The following BBS1 variants were observed in gnomAD, a reference collection of about 807,000 sequenced individuals.
BBS1 encodes the protein BBSome complex member BBS1.
In BBS1, 60 loss-of-function variants were observed where a neutral mutation model predicts 73.9. That is an observed-to-expected ratio of 0.81 (90% CI 0.66 to 1.01). BBS1 has a LOEUF of 1.01. Ranked by LOEUF, BBS1 falls within the 50% of genes least tolerant of loss-of-function variation. The pLI, the probability that BBS1 is intolerant of heterozygous loss-of-function variation, is 0.00. For synonymous variants in BBS1, 283 were observed against 317.4 expected (o/e 0.89, Z 1.15); for missense variants, 718 against 770.3 (o/e 0.93, Z 0.80).
At chr11:66,527,132 T>TGCCAAAGTG in intron 13 of BBS1, 1 of 973,088 alleles carries the variant, frequency 1.0e-6, no homozygotes, top group Non-Finnish European at 1.6e-6. Context: ...ATCCCAACAC[T>TGCCAAAGTG]TTGGCAGAGG....
At chr11:66,517,126 G>C (rs1455285249) in intron 7 of BBS1, among the ~76,000 whole-genome samples, 1 of 151,530 alleles carries the variant, frequency 6.6e-6, no homozygotes, top group Non-Finnish European at 1.5e-5. Flanking sequence ...GTTAACCCGG[G>C]AGGCGGAGCT....
At chr11:66,523,232 G>A in intron 9 of BBS1, 2 of 668,864 alleles carry the variant, frequency 3.0e-6, no homozygotes, top group Admixed American at 2.1e-5. Flanking sequence ...AGTGAAGGTG[G>A]GAGGAAGACA....
chr11:66,524,642 G>T (rs1856405625), intron 11 of BBS1, among the ~76,000 whole-genome samples: 1 of 152,218 alleles, frequency 6.6e-6, no homozygotes, highest in African/African-American at 2.4e-5. Flanking sequence ...GAAGGCTCTT[G>T]ATTAAGGAAT....
rs1565287949 is a variant in BBS1 at position 66,526,768 on chromosome 11, T to A, written c.1300T>A (p.Tyr434Asn). Residue 434 changes from tyrosine (Y) to asparagine (N), a missense_variant, in exon 13 of 17, where the codon TAC becomes AAC. Physicochemically the swap from Tyr to Asn is moderately radical, Grantham distance 143 (BLOSUM62 -2). Transcript: ENST00000318312. ...KLNVPRKTRLYVDQTLREREA... is the reference protein window; with the variant it reads ...KLNVPRKTRLNVDQTLREREA... ...CAATGTGCCCCGAAAGACCCGGCTT[T>A]ACGTGGATCAGACACTGCGAGAGCG... 1 of 1,614,210 alleles carries A rather than the reference T, an allele frequency of 6.2e-7. No individual in the cohort carries two copies. Among genetic ancestry groups the A allele is most frequent in the Non-Finnish European group, 8.5e-7 (1 of 1,180,032 alleles).
chr11:66,521,254 C>A lies in BBS1; in HGVS notation c.724-16C>A. 6.2e-7 allele frequency: 1 copy of A among 1,602,012 alleles called. No individual in the cohort carries two copies. Among genetic ancestry groups the A allele is most frequent in the Non-Finnish European group, 8.6e-7 (1 of 1,169,008 alleles). On this transcript the variant is annotated splice_polypyrimidine_tract_variant and intron_variant, in intron 8 of 16. Coordinates refer to ENST00000318312, the MANE Select transcript of BBS1 (RefSeq NM_024649.5). ...GGCTCCAGAGAAATTGGAGTGTTTG[C>A]GCTTCTTGTTTGCAGATGAGCCTTC...
Position 66,522,416 on chromosome 11 carries a change from C to T in BBS1, c.830+1040C>T, listed in dbSNP as rs548255561. ...AGGCTGGAGTGCAGTGGCACGATCT[C>T]GGCTTACTGCAACCTCTGCCTCCTG... is the stretch of plus-strand genomic sequence containing the variant. On this transcript the variant is annotated intron_variant, in intron 9 of 16. Transcript: ENST00000318312. Among the ~76,000 whole-genome samples the T allele has an allele frequency of 4.0e-5, 6 of 150,824 alleles. No homozygotes were observed. The East Asian group carries it at 6.0e-4, about 15-fold the overall frequency.
chr11:66,511,320 GC>G, intron 3 of BBS1, 81 bp downstream of exon 3: 2 of 1,527,932 alleles, frequency 1.3e-6, no homozygotes, highest in Non-Finnish European at 1.8e-6. Context: ...CTGAAAATAG[GC>G]CCAGCATACT....
At position 66,532,258 on chromosome 11, in the gene BBS1, G is replaced by A. The variant is rs1856818323; in HGVS notation, c.*221G>A. 3 of 585,482 alleles carry A rather than the reference G, an allele frequency of 5.1e-6. No individual in the cohort carries two copies. The highest frequency in any genetic ancestry group is 9.1e-6 in the Non-Finnish European group (3 of 328,040). 36.3% of individuals were successfully genotyped at this position (585,482 alleles called of 1,614,324 possible). ...TCCTCCCACAGCACCAACCCAGCAT[G>A]GTCCCACTGAAGTCCTACTACGCCC... On this transcript the variant is annotated 3_prime_UTR_variant, in exon 17 of 17. Coordinates refer to ENST00000318312, the MANE Select transcript of BBS1 (RefSeq NM_024649.5).
intron 13 of BBS1, chr11:66,528,933 A>C: frequency 2.6e-6 from 1 of 379,010 alleles, no homozygotes; most frequent in Non-Finnish European, 3.5e-6. Flanking sequence ...ACGCCATTGC[A>C]CTCCAGCCTG....
intron 7 of BBS1, among the ~76,000 whole-genome samples, chr11:66,516,922 G>A (rs771998387): frequency 9.2e-5 from 14 of 152,062 alleles, no homozygotes; most frequent in Non-Finnish European, 1.8e-4. Flanking sequence ...CATCTTGGCC[G>A]GGCGCGGTGG....
At chr11:66,528,688 G>T (rs1191340956) in intron 13 of BBS1, among the ~76,000 whole-genome samples, 1 of 152,030 alleles carries the variant, frequency 6.6e-6, no homozygotes, top group Non-Finnish European at 1.5e-5. Flanking sequence ...GACCTTTTCG[G>T]CCAGGTGCGG....
At chr11:66,528,308 A>T (rs1441432868) in intron 13 of BBS1, among the ~76,000 whole-genome samples, 1 of 152,234 alleles carries the variant, frequency 6.6e-6, no homozygotes, top group Non-Finnish European at 1.5e-5. Context: ...AAGTGGAGAG[A>T]GTTACCAAGT....
In BBS1 at chr11:66,526,212, G is replaced by C. The variant is rs1856482976; in HGVS notation, c.1180+20G>C. 3.7e-6 allele frequency: 6 copies of C among 1,613,034 alleles called. No homozygotes were observed. Among genetic ancestry groups the C allele is most frequent in the Non-Finnish European group, 5.1e-6 (6 of 1,179,048 alleles). On this transcript the variant is annotated intron_variant, in intron 12 of 16. Coordinates refer to ENST00000318312, the MANE Select transcript of BBS1 (RefSeq NM_024649.5). ...CTCGAGGTGAGTGGAGTCAGACCTG[G>C]CAAGGGCTTTGAAGTCGGGAGTGAA...
At chr11:66,525,781 A>T (rs551779066) in intron 11 of BBS1, among the ~76,000 whole-genome samples, 1 of 152,204 alleles carries the variant, frequency 6.6e-6, no homozygotes, top group Middle Eastern at 3.2e-3. Flanking sequence ...AACAAAAGCC[A>T]TTGGAGGTTT....
At chr11:66,528,173 G>C (rs1220492129) in intron 13 of BBS1, among the ~76,000 whole-genome samples, 1 of 152,122 alleles carries the variant, frequency 6.6e-6, no homozygotes, top group Non-Finnish European at 1.5e-5. Context: ...CCAAGATCAC[G>C]CCACTGCACT....
chr11:66,511,995 C>CA (rs796283982), intron 3 of BBS1, among the ~76,000 whole-genome samples: 1,248 of 121,978 alleles, frequency 0.01, 5 homozygotes, highest in Middle Eastern at 0.013. Context: ...GAGACAGTTT[C>CA]AAAAAAAAAT....
chr11:66,526,638 C>T lies in BBS1; in HGVS notation c.1181-11C>T. ...GGAGGACAAATCCATTTCCACTGTC[C>T]ACTTCCCTAGGTGGTGGCCTGATCA... On this transcript the variant is annotated splice_polypyrimidine_tract_variant and intron_variant, in intron 12 of 16. Transcript: ENST00000318312. The T allele has an allele frequency of 6.2e-7, 1 of 1,614,160 alleles. No homozygotes were observed. The highest frequency in any genetic ancestry group is 8.5e-7 in the Non-Finnish European group (1 of 1,180,024).
chr11:66,521,965 TC>T (rs915109915), intron 9 of BBS1, among the ~76,000 whole-genome samples: 4 of 134,978 alleles, frequency 3.0e-5, no homozygotes, highest in Admixed American at 2.3e-4. Flanking sequence ...ACGCCTGTAA[TC>T]CCAGCACTTT....
At chr11:66,517,191 T>A (rs1342465452) in intron 7 of BBS1, among the ~76,000 whole-genome samples, 2 of 148,264 alleles carry the variant, frequency 1.3e-5, no homozygotes, top group African/African-American at 2.5e-5. Context: ...AGAGCAAGAC[T>A]CTATCTCAAA....
Sources: allele counts gnomAD v4.1 joint callset (sites outside exome capture counted in the v4.1 genomes callset), GRCh38; gene constraint gnomAD v4.1.1; transcripts MANE v1.5; gene names NCBI Gene and HGNC (gene_info 2026-07-23, HGNC 2026-07-21).